Variants in PCDH9 observed in about 807,000 individuals in gnomAD.
PCDH9 encodes protocadherin-9.
Under a neutral mutation model 70.6 loss-of-function variants are expected in PCDH9, and 24 were observed. That is an observed-to-expected ratio of 0.34 (90% CI 0.25 to 0.48). The LOEUF is 0.48. Among genes scored for constraint, PCDH9 ranks in the 20% least tolerant of loss-of-function variants. PCDH9 has a pLI of 0.99. For synonymous variants in PCDH9, 562 were observed against 558.5 expected (o/e 1.01, Z -0.09); for missense variants, 1,281 against 1,503.6 (o/e 0.85, Z 2.45).
chr13:66,537,426 T>C (rs1023940048), intron 4 of PCDH9, among the ~76,000 whole-genome samples: 27 of 152,108 alleles, frequency 1.8e-4, no homozygotes, highest in African/African-American at 6.5e-4. Flanking sequence ...GATCAGTTGA[T>C]ATATTATGTA....
At chr13:66,367,987 C>A (rs957099714) in intron 4 of PCDH9, among the ~76,000 whole-genome samples, 1 of 152,034 alleles carries the variant, frequency 6.6e-6, no homozygotes, top group East Asian at 1.9e-4. Flanking sequence ...AAAGTGCAAT[C>A]AAAAGGTCAA....
Position 66,627,509 on chromosome 13 carries a change from C to G in PCDH9, c.3340+3701G>C, listed in dbSNP as rs537755107. Among the ~76,000 whole-genome samples, 4 of 152,258 alleles carry G rather than the reference C, an allele frequency of 2.6e-5. No homozygotes were observed. In the South Asian group the frequency reaches 8.3e-4, roughly 32 times the overall value. On this transcript the variant is annotated intron_variant, in intron 4 of 4. Coordinates refer to ENST00000377865, the MANE Select transcript of PCDH9 (RefSeq NM_203487.3). Reference sequence around the variant, plus strand: ...CTAGGCCATTCTAATTAATTCTGCTCTAGACATTTACAAAGGAGGTTTAAA... The same window carrying G: ...CTAGGCCATTCTAATTAATTCTGCTGTAGACATTTACAAAGGAGGTTTAAA...
chr13:67,128,949 A>G (rs1412955396), intron 2 of PCDH9, among the ~76,000 whole-genome samples: 1 of 152,160 alleles, frequency 6.6e-6, no homozygotes, highest in Admixed American at 6.6e-5. Flanking sequence ...GGGTCTATTT[A>G]ATCATTTTGT....
intron 2 of PCDH9, among the ~76,000 whole-genome samples, chr13:66,934,348 T>A (rs2082868349): frequency 6.6e-6 from 1 of 151,876 alleles, no homozygotes; most frequent in African/African-American, 2.4e-5. Flanking sequence ...TCTGGCCACC[T>A]TGGTGAAACC....
intron 2 of PCDH9, among the ~76,000 whole-genome samples, chr13:66,960,901 T>C (rs924779690): frequency 1.6e-4 from 25 of 152,138 alleles, no homozygotes; most frequent in African/African-American, 5.8e-4. Context: ...GGTTAACCTG[T>C]TTAGAGTATC....
rs541587406 is a variant in PCDH9 at position 66,602,279 on chromosome 13, C to A, written c.3340+28931G>T. Among the ~76,000 whole-genome samples the A allele has an allele frequency of 9.4e-4, 138 of 146,570 alleles. 25 individuals are homozygous for A. Among genetic ancestry groups the A allele is most frequent in the Non-Finnish European group, 1.6e-3 (105 of 65,062 alleles). On this transcript the variant is annotated intron_variant, in intron 4 of 4. Transcript: ENST00000377865. ...TTGTGTTGGGCCACATTCAAAGCCT[C>A]CTGGGCTGCATGTGGCCCACAGGCT...
intron 2 of PCDH9, among the ~76,000 whole-genome samples, chr13:67,137,293 T>C (rs2087257223): frequency 6.6e-6 from 1 of 152,036 alleles, no homozygotes. Flanking sequence ...GGTAGTAATA[T>C]AAGGAAGATA....
At chr13:66,838,366 CTT>C (rs10719077) in intron 3 of PCDH9, among the ~76,000 whole-genome samples, 9 of 151,212 alleles carry the variant, frequency 6.0e-5, no homozygotes, top group African/African-American at 2.2e-4. Flanking sequence ...ATATTCAATT[CTT>C]TTTTTAAAAA....
At chr13:66,983,808 C>T (rs1000074229) in intron 2 of PCDH9, among the ~76,000 whole-genome samples, 2 of 150,788 alleles carry the variant, frequency 1.3e-5, no homozygotes, top group African/African-American at 4.9e-5. Context: ...AGTACCCAAT[C>T]GTTTTTTTTG....
At chr13:66,737,613 C>G (rs1039245011) in intron 3 of PCDH9, among the ~76,000 whole-genome samples, 34 of 152,298 alleles carry the variant, frequency 2.2e-4, no homozygotes, top group Middle Eastern at 3.4e-3. Context: ...GAGTGCCAGA[C>G]AGTGGGCGCA....
chr13:66,772,544 TAATC>T lies in PCDH9; in HGVS notation c.3138+130956_3138+130959del, dbSNP rs1320197498. On this transcript the variant is annotated intron_variant, in intron 3 of 4. Coordinates refer to ENST00000377865, the MANE Select transcript of PCDH9 (RefSeq NM_203487.3). ...GGAATTGTCTCTGATAAAATTAACT[TAATC>T]AAACATTATTTGTATTTTTATTTTC... Among the ~76,000 whole-genome samples the T allele has an allele frequency of 2.6e-5, 4 of 152,168 alleles. 1 individual carries two copies. The highest frequency in any genetic ancestry group is 6.3e-3 in the Middle Eastern group (2 of 316).
intron 4 of PCDH9, among the ~76,000 whole-genome samples, chr13:66,525,116 C>A (rs1169851366): frequency 6.6e-6 from 1 of 152,032 alleles, no homozygotes; most frequent in African/African-American, 2.4e-5. Flanking sequence ...AATTGCCAGA[C>A]ACTACTTCCA....
At chr13:67,142,377 T>TA (rs1419101120) in intron 2 of PCDH9, among the ~76,000 whole-genome samples, 2 of 152,214 alleles carry the variant, frequency 1.3e-5, no homozygotes, top group African/African-American at 4.8e-5. Context: ...TGACTCTATA[T>TA]AAAAAACAGG....
intron 4 of PCDH9, among the ~76,000 whole-genome samples, chr13:66,511,069 G>C (rs1369280744): frequency 1.3e-5 from 2 of 152,132 alleles, no homozygotes; most frequent in Non-Finnish European, 2.9e-5. Context: ...AATGAGGCTT[G>C]AAACTGTGAT....
intron 2 of PCDH9, among the ~76,000 whole-genome samples, chr13:67,038,996 AG>A (rs2085061030): frequency 6.6e-6 from 1 of 152,136 alleles, no homozygotes; most frequent in Admixed American, 6.6e-5. Flanking sequence ...CAGGGAGGAG[AG>A]GGGGTCAGGA....
rs1176372806 is a variant in PCDH9 at position 66,945,269 on chromosome 13, T to A, written c.3037-41664A>T. 2.0e-5 allele frequency among the ~76,000 whole-genome samples: 3 copies of A among 151,760 alleles called. No homozygotes were observed. In the East Asian group the frequency reaches 5.8e-4, roughly 29 times the overall value. On this transcript the variant is annotated intron_variant, in intron 2 of 4. Coordinates refer to ENST00000377865, the MANE Select transcript of PCDH9 (RefSeq NM_203487.3). ...TTCCTATAATTTGTCTCCCTCACAC[T>A]CCCCCAGCAGCCCCAAGCAACTAGT...
At chr13:66,741,935 T>C (rs949950026) in intron 3 of PCDH9, among the ~76,000 whole-genome samples, 1 of 149,876 alleles carries the variant, frequency 6.7e-6, no homozygotes, top group Non-Finnish European at 1.5e-5. Context: ...ATTTATAGAG[T>C]CAATGCCATC....
At chr13:66,604,282 TG>T (rs1566449943) in intron 4 of PCDH9, among the ~76,000 whole-genome samples, 1 of 152,008 alleles carries the variant, frequency 6.6e-6, no homozygotes, top group East Asian at 1.9e-4. Context: ...TCAATGCACC[TG>T]GCTGAACATA....
chr13:66,356,537 G>T lies in PCDH9; in HGVS notation c.3341-51509C>A, dbSNP rs17081186. 4.3e-3 allele frequency among the ~76,000 whole-genome samples: 656 copies of T among 151,324 alleles called. 7 individuals carry two copies. The highest frequency in any genetic ancestry group is 0.015 in the African/African-American group (632 of 41,262). ...CTAGTATTTTCTTTTTTCTTTGTCGGTGTTTTTCACTCCAAAAAAAATGAA... is the reference window on the plus strand; with the variant it reads ...CTAGTATTTTCTTTTTTCTTTGTCGTTGTTTTTCACTCCAAAAAAAATGAA... On this transcript the variant is annotated intron_variant, in intron 4 of 4. Transcript: ENST00000377865.
Sources: gnomAD v4.1 joint callset for allele counts (sites outside exome capture counted in the v4.1 genomes callset) on GRCh38, gnomAD v4.1.1 for gene constraint, MANE v1.5 for transcripts, NCBI Gene and HGNC (gene_info 2026-07-23, HGNC 2026-07-21) for gene names.